Variants in UBQLN1 observed in about 807,000 individuals in gnomAD.
The protein encoded by UBQLN1 is ubiquilin 1.
A neutral mutation model predicts 65.4 loss-of-function variants in UBQLN1; 13 were observed. That is an observed-to-expected ratio of 0.20 (90% CI 0.13 to 0.32). UBQLN1 has a LOEUF of 0.32. Among genes scored for constraint, UBQLN1 ranks in the 10% least tolerant of loss-of-function variants. UBQLN1 has a pLI of 1.00. For missense variants in UBQLN1, 561 were observed against 724.0 expected, an observed-to-expected ratio of 0.77 and a Z score of 2.58; for synonymous variants, 267 against 247.8, an observed-to-expected ratio of 1.08 and a Z score of -0.73.
intron 7 of UBQLN1, 199 bp from the exon 8 acceptor site, chr9:83,666,632 A>G (rs1301748717): frequency 2.3e-5 from 11 of 482,758 alleles, no homozygotes; most frequent in Non-Finnish European, 3.7e-6. Flanking sequence ...AATGAGGCAT[A>G]TTCTCTCTCA....
chr9:83,707,530 G>A lies in UBQLN1; in HGVS notation c.150C>T (p.Phe50=), dbSNP rs1440447476. 3.7e-6 allele frequency: 6 copies of A among 1,611,312 alleles called. No individual in the cohort carries two copies. Among genetic ancestry groups the A allele is most frequent in the South Asian group, 1.1e-5 (1 of 90,940 alleles). Residue 50 remains phenylalanine, a synonymous_variant, in exon 1 of 11, where the codon TTC becomes TTT. Coordinates refer to ENST00000376395, the MANE Select transcript of UBQLN1 (RefSeq NM_013438.5). ...TVKTPKEKEE[F]AVPENSSVQQ... ...GGACGGAGCTATTCTCGGGCACGGC[G>A]AATTCCTCCTTTTCCTTCGGGGTCT...
chr9:83,686,987 A>G (rs1490652521), intron 1 of UBQLN1, among the ~76,000 whole-genome samples: 1 of 152,100 alleles, frequency 6.6e-6, no homozygotes, highest in Non-Finnish European at 1.5e-5. Flanking sequence ...AAAAAAAAAA[A>G]AAGTTTTTGG....
chr9:83,683,016 G>A lies in UBQLN1; in HGVS notation c.383C>T (p.Thr128Ile), dbSNP rs779974686. Residue 128 changes from threonine to isoleucine, a missense_variant, in exon 3 of 11, where the codon ACT becomes ATT. Physicochemically the swap from Thr to Ile is moderately conservative, Grantham distance 89. Around this residue, in one of 8 missense-constraint regions of UBQLN1, gnomAD observed 87 missense variants for 88.8 expected, o/e 0.98. Coordinates refer to ENST00000376395, the MANE Select transcript of UBQLN1 (RefSeq NM_013438.5). ...GTTACTATTAGGAGTTGATGATGTA[G>A]TAACATTGCTTCCAGCTGTATTTGT... The part of the protein sequence containing the change: ...QQTNTAGSNV[T>I]TSSTPNSNST... 5 of 1,612,292 alleles carry A rather than the reference G, an allele frequency of 3.1e-6. No individual in the cohort carries two copies. The highest frequency in any genetic ancestry group is 4.2e-6 in the Non-Finnish European group (5 of 1,179,766).
chr9:83,673,397 T>A (rs140306286), intron 6 of UBQLN1, among the ~76,000 whole-genome samples: 1 of 150,306 alleles, frequency 6.7e-6, no homozygotes, highest in African/African-American at 2.5e-5. Context: ...ACAAAGAAAT[T>A]AGCCAGGTGT....
chr9:83,698,258 T>G (rs972629107), intron 1 of UBQLN1, among the ~76,000 whole-genome samples: 2 of 152,018 alleles, frequency 1.3e-5, no homozygotes, highest in Non-Finnish European at 2.9e-5. Context: ...CTGGCTGAAA[T>G]GCAATGAAAA....
chr9:83,675,468 CAA>C (rs56889142), intron 6 of UBQLN1, among the ~76,000 whole-genome samples: 51 of 140,716 alleles, frequency 3.6e-4, no homozygotes, highest in Admixed American at 5.8e-4. Context: ...CCTATGCCGT[CAA>C]AAAAAAAAAA....
chr9:83,691,893 T>C (rs996077143), intron 1 of UBQLN1, among the ~76,000 whole-genome samples: 5 of 152,202 alleles, frequency 3.3e-5, no homozygotes, highest in Non-Finnish European at 5.9e-5. Flanking sequence ...TACAGTACAG[T>C]TCTAGGGAAC....
At chr9:83,675,954 A>C (rs1057353029) in intron 6 of UBQLN1, among the ~76,000 whole-genome samples, 4 of 152,148 alleles carry the variant, frequency 2.6e-5, no homozygotes, top group African/African-American at 9.7e-5. Flanking sequence ...TCAATTAAAA[A>C]ATTTGTGGGA....
chr9:83,680,006 G>C lies in UBQLN1; in HGVS notation c.480C>G (p.Ser160Arg). The C allele has an allele frequency of 6.2e-7, 1 of 1,614,030 alleles. No individual in the cohort carries two copies. Among genetic ancestry groups the C allele is most frequent in the Non-Finnish European group, 8.5e-7 (1 of 1,179,938 alleles). Residue 160 changes from serine to arginine, a missense_variant, in exon 4 of 11, where the codon AGC (serine) becomes AGG (arginine). Ser to Arg is a moderately radical substitution (Grantham distance 110). Transcript: ENST00000376395. Reference sequence around the variant, plus strand: ...AGAAGTTGGTAGTATTCAAACCCAAGCTACTCAGACCTGCAAGTCCCCCAA... The same window carrying C: ...AGAAGTTGGTAGTATTCAAACCCAACCTACTCAGACCTGCAAGTCCCCCAA... ...GGLGGLAGLS[S>R]LGLNTTNFSE...
chr9:83,665,323 G>A (rs1831626591), intron 8 of UBQLN1, 178 bp from the exon 9 acceptor site: 1 of 473,002 alleles, frequency 2.1e-6, no homozygotes, highest in Non-Finnish European at 3.7e-6. Context: ...AGCAAACCTA[G>A]TGTGCAAATT....
At chr9:83,683,131 G>A (rs1035590649) in intron 2 of UBQLN1, 65 bp from the exon 3 acceptor site, 20 of 1,223,850 alleles carry the variant, frequency 1.6e-5, no homozygotes, top group Non-Finnish European at 2.2e-5. Flanking sequence ...AACCACCAAA[G>A]GCCAGGCACA....
intron 1 of UBQLN1, among the ~76,000 whole-genome samples, chr9:83,695,187 A>G (rs1027810254): frequency 1.4e-5 from 2 of 143,816 alleles, no homozygotes; most frequent in African/African-American, 5.1e-5. Flanking sequence ...TTTATCCTGA[A>G]TGGGCCCTCC....
chr9:83,697,006 G>A (rs1407422310), intron 1 of UBQLN1, among the ~76,000 whole-genome samples: 3 of 151,874 alleles, frequency 2.0e-5, no homozygotes, highest in Admixed American at 1.3e-4. Context: ...GAACTCTTGG[G>A]CTCAAGTAAT....
chr9:83,686,944 C>G (rs147884186), intron 1 of UBQLN1, among the ~76,000 whole-genome samples: 1 of 151,754 alleles, frequency 6.6e-6, no homozygotes, highest in Non-Finnish European at 1.5e-5. Context: ...AATCTGAAAT[C>G]TGAGACACTT....
chr9:83,665,807 T>G (rs1446543604), intron 8 of UBQLN1, among the ~76,000 whole-genome samples: 1 of 152,196 alleles, frequency 6.6e-6, no homozygotes. Flanking sequence ...TTTTAAATAA[T>G]AAAATACCAT....
At chr9:83,685,876 G>A in intron 2 of UBQLN1, 128 bp downstream of exon 2, 1 of 798,040 alleles carries the variant, frequency 1.3e-6, no homozygotes, top group Non-Finnish European at 1.9e-6. Context: ...GTTATCGACA[G>A]CAAGGAAAGA....
intron 1 of UBQLN1, among the ~76,000 whole-genome samples, chr9:83,695,884 T>TA (rs1429805074): frequency 6.6e-6 from 1 of 152,142 alleles, no homozygotes; most frequent in Non-Finnish European, 1.5e-5. Flanking sequence ...CTTCAGTCTC[T>TA]AAAAAAAGCT....
At chr9:83,673,556 AAAAAAAAAAAAC>A (rs869167159) in intron 6 of UBQLN1, among the ~76,000 whole-genome samples, 6 of 80,244 alleles carry the variant, frequency 7.5e-5, no homozygotes, top group Non-Finnish European at 1.4e-4. Flanking sequence ...TAAAAAAAAA[AAAAAAAAAAAAC>A]AAAAAAAAAA....
At chr9:83,674,545 T>C (rs7045761) in intron 6 of UBQLN1, among the ~76,000 whole-genome samples, 29,821 of 152,142 alleles carry the variant, frequency 0.2, 3,160 homozygotes, top group African/African-American at 0.25. Flanking sequence ...CAAGTACTAG[T>C]GATGACTAAT....
Sources: gnomAD v4.1 joint callset for allele counts (sites outside exome capture counted in the v4.1 genomes callset) on GRCh38, gnomAD v4.1.1 for gene constraint, gnomAD v4.1.1 regional missense constraint, MANE v1.5 for transcripts, NCBI Gene and HGNC (gene_info 2026-07-23, HGNC 2026-07-21) for gene names.